Variants in CUBN observed in about 807,000 individuals in gnomAD.
CUBN encodes cubilin, also known as 460 kDa receptor.
In CUBN, 282 loss-of-function variants were observed where a neutral mutation model predicts 405.3. The ratio of observed to expected loss-of-function variants is 0.70; its 90% CI spans 0.63 to 0.77. The LOEUF is 0.77. Ranked by LOEUF, CUBN falls within the 30% of genes least tolerant of loss-of-function variation. CUBN has a pLI of 0.00. For missense variants in CUBN, 4,514 were observed against 4,475.2 expected (o/e 1.01, Z -0.25); for synonymous variants, 1,684 against 1,617.0 (o/e 1.04, Z -0.99).
intron 28 of CUBN, among the ~76,000 whole-genome samples, chr10:17,012,945 C>T (rs1834224633): frequency 6.6e-6 from 1 of 152,088 alleles, no homozygotes; most frequent in African/African-American, 2.4e-5. Flanking sequence ...ATTTAGATCC[C>T]CTGTTAGGAA....
intron 15 of CUBN, 130 bp downstream of exon 15, chr10:17,088,034 A>T (rs1023271231): frequency 2.8e-6 from 2 of 702,134 alleles, no homozygotes; most frequent in African/African-American, 1.8e-5. Flanking sequence ...AGAGTTAGAT[A>T]TTGACTGACT....
chr10:17,113,298 T>C (rs150834073), intron 8 of CUBN, among the ~76,000 whole-genome samples: 1 of 152,154 alleles, frequency 6.6e-6, no homozygotes, highest in Non-Finnish European at 1.5e-5. Flanking sequence ...CAAAACCAGC[T>C]ACTATTATTA....
chr10:16,845,454 A>C (rs1839482770), intron 60 of CUBN, among the ~76,000 whole-genome samples: 1 of 152,208 alleles, frequency 6.6e-6, no homozygotes, highest in African/African-American at 2.4e-5. Flanking sequence ...GTATGGGAAG[A>C]AGAATAGAGA....
intron 58 of CUBN, among the ~76,000 whole-genome samples, chr10:16,872,925 C>T (rs371660755): frequency 1.3e-5 from 2 of 152,168 alleles, no homozygotes; most frequent in Non-Finnish European, 2.9e-5. Flanking sequence ...CAGTTTTCTT[C>T]GAGGTCCAGC....
rs1366459495 is a variant in CUBN, at chr10:17,115,584, G to A, written c.607C>T (p.Pro203Ser). 3 of 1,614,184 alleles carry A rather than the reference G, an allele frequency of 1.9e-6. No homozygotes were observed. Among genetic ancestry groups the A allele is most frequent in the Non-Finnish European group, 2.5e-6 (3 of 1,180,028 alleles). The change falls in exon 7 of 67, where the codon CCT (proline) becomes TCT (serine). Residue 203 changes from proline (P) to serine (S), a missense_variant. Physicochemically the swap from Pro to Ser is moderately conservative, Grantham distance 74. This residue lies in a region of CUBN where 1,448 missense variants were observed against 1,388.0 expected (regional missense o/e 1.04). Coordinates refer to ENST00000377833, the MANE Select transcript of CUBN (RefSeq NM_001081.4). Reference sequence around the variant, plus strand: ...GCACACTGGGGTCCGTACGTCTCAGGTGGGCAGTGACAACTGTTGGTTACA... The same window carrying A: ...GCACACTGGGGTCCGTACGTCTCAGATGGGCAGTGACAACTGTTGGTTACA... ...TMGSYSCHCP[P>S]ETYGPQCASK... is the part of the protein sequence containing the mutation.
At chr10:17,049,081 C>T (rs1225351226) in intron 22 of CUBN, among the ~76,000 whole-genome samples, 1 of 151,988 alleles carries the variant, frequency 6.6e-6, no homozygotes, top group Non-Finnish European at 1.5e-5. Flanking sequence ...TGTAGTCTGC[C>T]AAAATATTTC....
At chr10:16,854,515 G>A (rs1383461477) in intron 59 of CUBN, among the ~76,000 whole-genome samples, 1 of 152,194 alleles carries the variant, frequency 6.6e-6, no homozygotes, top group Non-Finnish European at 1.5e-5. Flanking sequence ...GAACGAGACT[G>A]AAGGAGATGA....
At chr10:16,849,133 A>G (rs1339251213) in intron 60 of CUBN, among the ~76,000 whole-genome samples, 1 of 152,168 alleles carries the variant, frequency 6.6e-6, no homozygotes, top group Non-Finnish European at 1.5e-5. Context: ...CATCCAGTGC[A>G]ATGAGGCTGT....
At chr10:16,875,633 A>G (rs530123512) in intron 57 of CUBN, among the ~76,000 whole-genome samples, 1 of 152,324 alleles carries the variant, frequency 6.6e-6, no homozygotes, top group East Asian at 1.9e-4. Flanking sequence ...TAAGGGTAGC[A>G]ATCACTCCTT....
intron 30 of CUBN, 66 bp downstream of exon 30, chr10:16,984,039 A>G: frequency 1.9e-6 from 3 of 1,566,394 alleles, no homozygotes; most frequent in Non-Finnish European, 2.6e-6. Flanking sequence ...CGTTTTCCCA[A>G]GCATTTCATG....
At chr10:17,011,959 C>A (rs1409945314) in intron 28 of CUBN, among the ~76,000 whole-genome samples, 1 of 152,184 alleles carries the variant, frequency 6.6e-6, no homozygotes, top group Non-Finnish European at 1.5e-5. Context: ...GACACCCCAA[C>A]TGCTGCTGGG....
Position 16,901,361 on chromosome 10 carries a change from C to A in CUBN, c.8161G>T (p.Ala2721Ser), listed in dbSNP as rs200221369. The A allele has an allele frequency of 2.0e-4, 326 of 1,614,016 alleles. 1 individual carries two copies. Among genetic ancestry groups the A allele is most frequent in the Non-Finnish European group, 2.7e-4 (319 of 1,179,998 alleles). ...SLTHCSSLLE[A>S]PQGHTITLTF... is the part of the protein sequence containing the mutation. The stretch of plus-strand genomic sequence containing the variant: ...ACAGTGATGGTGTGCCCTTGTGGGG[C>A]CTCCAACAGCGAAGAGCAGTGGGTC... Residue 2721 changes from alanine (A) to serine (S), a missense_variant, in exon 52 of 67, where the codon GCC becomes TCC. By Grantham distance (99) the Ala-to-Ser change is moderately conservative. Around this residue, in one of 5 missense-constraint regions of CUBN, gnomAD observed 1,186 missense variants for 1,186.9 expected, o/e 1.00. Transcript: ENST00000377833.
At chr10:16,996,850 GAA>G (rs1425614553) in intron 28 of CUBN, among the ~76,000 whole-genome samples, 1 of 152,186 alleles carries the variant, frequency 6.6e-6, no homozygotes, top group East Asian at 1.9e-4. Context: ...GGCAGAAAAG[GAA>G]GAGAGAAGTG....
intron 54 of CUBN, among the ~76,000 whole-genome samples, chr10:16,895,344 C>T (rs200685402): frequency 8.0e-6 from 1 of 125,604 alleles, no homozygotes; most frequent in African/African-American, 3.3e-5. Context: ...TTTATACACA[C>T]ACACACACAC....
chr10:16,829,342 G>GAAAAA lies in CUBN; in HGVS notation c.10529-307_10529-303dup, dbSNP rs71287326. On this transcript the variant is annotated intron_variant, in intron 65 of 66. Coordinates refer to ENST00000377833, the MANE Select transcript of CUBN (RefSeq NM_001081.4). ...AAAATTGGGGGTTGAGAGCAGAATGGAAAAAAAAAAAAAAAACAAACTTGA... is the reference window on the plus strand; with the variant it reads ...AAAATTGGGGGTTGAGAGCAGAATGGAAAAAAAAAAAAAAAAAAAAACAAACTTGA... 2.8e-3 allele frequency among the ~76,000 whole-genome samples: 337 copies of GAAAAA among 121,052 alleles called. 7 individuals carry two copies. Among genetic ancestry groups the GAAAAA allele is most frequent in the East Asian group, 6.7e-3 (26 of 3,892 alleles). 79.4% of individuals were successfully genotyped at this position (121,052 alleles called of 152,430 possible).
At chr10:17,028,226 TTTATTA>T (rs57633202) in intron 27 of CUBN, among the ~76,000 whole-genome samples, 35,584 of 143,926 alleles carry the variant, frequency 0.25, 5,170 homozygotes, top group Middle Eastern at 0.41. Context: ...ACACTAAACA[TTTATTA>T]TTATTATTAT....
chr10:16,964,732 A>G (rs953677350), intron 31 of CUBN, among the ~76,000 whole-genome samples: 4 of 152,260 alleles, frequency 2.6e-5, no homozygotes, highest in African/African-American at 9.6e-5. Context: ...CACCCAAGCC[A>G]GATGGCTACT....
At chr10:16,869,610 T>C (rs371076600) in intron 59 of CUBN, 26 bp downstream of exon 59, 14 of 1,520,538 alleles carry the variant, frequency 9.2e-6, no homozygotes, top group African/African-American at 6.9e-5. Flanking sequence ...TCCTGACAAA[T>C]AGATTTACAA....
intron 17 of CUBN, among the ~76,000 whole-genome samples, chr10:17,080,165 T>C (rs1277432808): frequency 2.0e-5 from 3 of 152,196 alleles, no homozygotes; most frequent in Non-Finnish European, 2.9e-5. Flanking sequence ...CTATGTAGTC[T>C]TTCATTTTTT....
Sources: allele counts gnomAD v4.1 joint callset (sites outside exome capture counted in the v4.1 genomes callset), GRCh38; gene constraint gnomAD v4.1.1; regional missense constraint gnomAD v4.1.1; transcripts MANE v1.5; gene names NCBI Gene and HGNC (gene_info 2026-07-23, HGNC 2026-07-21).